The following BANK1 variants were observed in gnomAD, a reference collection of about 807,000 sequenced individuals.
The protein encoded by BANK1 is B cell scaffold protein with ankyrin repeats 1, also known as B-cell scaffold protein with ankyrin repeats.
Under a neutral mutation model 94.5 loss-of-function variants are expected in BANK1, and 95 were observed. The ratio of observed to expected loss-of-function variants is 1.00; its 90% CI spans 0.85 to 1.19. The LOEUF is 1.19. Ranked by LOEUF, BANK1 falls within the 50% of genes most tolerant of loss-of-function variation. The pLI is 0.00. For missense variants in BANK1, 987 were observed against 932.2 expected, an observed-to-expected ratio of 1.06 and a Z score of -0.77; for synonymous variants, 334 against 308.4, an observed-to-expected ratio of 1.08 and a Z score of -0.87.
chr4:101,795,552 G>A (rs6856202), intron 1 of BANK1, among the ~76,000 whole-genome samples: 63,255 of 151,800 alleles, frequency 0.42, 15,241 homozygotes, highest in Middle Eastern at 0.56. Context: ...TCTATTGATT[G>A]CATTTTATTT....
intron 5 of BANK1, among the ~76,000 whole-genome samples, chr4:101,895,018 A>G (rs995783460): frequency 1.3e-5 from 2 of 151,744 alleles, no homozygotes; most frequent in Non-Finnish European, 2.9e-5. Context: ...TTTAAAATTT[A>G]TATTTTATAG....
intron 7 of BANK1, among the ~76,000 whole-genome samples, chr4:102,017,484 C>T (rs910776626): frequency 6.6e-6 from 1 of 152,204 alleles, no homozygotes; most frequent in African/African-American, 2.4e-5. Context: ...TCACCACCAC[C>T]AGAGGTCAGC....
chr4:102,057,163 A>G (rs1034796131), intron 11 of BANK1, among the ~76,000 whole-genome samples: 1 of 152,094 alleles, frequency 6.6e-6, no homozygotes, highest in Non-Finnish European at 1.5e-5. Flanking sequence ...ATACCTACCA[A>G]GTCCCAAATT....
chr4:101,816,206 A>G (rs1376819472), intron 1 of BANK1, among the ~76,000 whole-genome samples: 2 of 152,238 alleles, frequency 1.3e-5, no homozygotes, highest in African/African-American at 2.4e-5. Flanking sequence ...CTCGCAAAGG[A>G]AAACTGAGAA....
intron 2 of BANK1, among the ~76,000 whole-genome samples, chr4:101,831,845 A>G (rs1298612136): frequency 6.6e-6 from 1 of 152,204 alleles, no homozygotes; most frequent in Non-Finnish European, 1.5e-5. Context: ...ATCAGTTTCT[A>G]TGATTCAGGA....
chr4:102,061,628 G>T (rs1036178604), intron 12 of BANK1: 6 of 152,042 alleles, frequency 3.9e-5, no homozygotes, highest in South Asian at 2.1e-4. Context: ...ATCCTCCTAA[G>T]ACCCTTAAAT....
At chr4:101,839,495 A>G (rs1409728584) in intron 2 of BANK1, among the ~76,000 whole-genome samples, 1 of 152,192 alleles carries the variant, frequency 6.6e-6, no homozygotes, top group Non-Finnish European at 1.5e-5. Context: ...ATGCTCGTCA[A>G]TCCATTTAAT....
At chr4:101,936,441 C>A (rs1578408350) in intron 7 of BANK1, among the ~76,000 whole-genome samples, 1 of 149,714 alleles carries the variant, frequency 6.7e-6, no homozygotes, top group East Asian at 2.0e-4. Context: ...AAGATGTATA[C>A]ATGTTTGCAT....
At chr4:102,070,858 T>C (rs1728733629) in intron 13 of BANK1, among the ~76,000 whole-genome samples, 1 of 152,184 alleles carries the variant, frequency 6.6e-6, no homozygotes, top group African/African-American at 2.4e-5. Context: ...CCTAATTAAG[T>C]TGGTGGGTAC....
chr4:101,909,851 A>T (rs749446621), intron 6 of BANK1, among the ~76,000 whole-genome samples: 1 of 152,216 alleles, frequency 6.6e-6, no homozygotes, highest in Non-Finnish European at 1.5e-5. Context: ...TAATACACAT[A>T]ATTTTCACTT....
chr4:101,838,515 T>C (rs1578347563), intron 2 of BANK1, among the ~76,000 whole-genome samples: 1 of 152,336 alleles, frequency 6.6e-6, no homozygotes, highest in East Asian at 1.9e-4. Flanking sequence ...GAAATGATCA[T>C]CTGCTGCATA....
intron 6 of BANK1, among the ~76,000 whole-genome samples, chr4:101,907,096 A>C (rs1722481472): frequency 6.6e-6 from 1 of 152,232 alleles, no homozygotes; most frequent in South Asian, 2.1e-4. Flanking sequence ...GGCTGAATTA[A>C]AGGAATAGGT....
chr4:101,964,406 C>A (rs1339545897), intron 7 of BANK1, among the ~76,000 whole-genome samples: 2 of 152,026 alleles, frequency 1.3e-5, no homozygotes, highest in East Asian at 1.9e-4. Flanking sequence ...CTGAAAAAAA[C>A]CGTAACTGAT....
chr4:101,875,268 T>C (rs190022924), intron 5 of BANK1, among the ~76,000 whole-genome samples: 16 of 152,172 alleles, frequency 1.1e-4, no homozygotes, highest in African/African-American at 1.2e-4. Flanking sequence ...CATTGAACCC[T>C]GAGCTGCCCT....
At chr4:102,031,709 T>C (rs10516491) in intron 10 of BANK1, among the ~76,000 whole-genome samples, 9,308 of 152,200 alleles carry the variant, frequency 0.061, 717 homozygotes, top group African/African-American at 0.18. Context: ...TCAACTCCTA[T>C]AAATAATATG....
intron 11 of BANK1, among the ~76,000 whole-genome samples, chr4:102,054,768 A>G (rs1045213711): frequency 1.6e-4 from 24 of 152,120 alleles, no homozygotes; most frequent in African/African-American, 5.5e-4. Flanking sequence ...GGGGAGGCTT[A>G]AAAGATAAGA....
At chr4:102,055,949 A>G (rs1335602979) in intron 11 of BANK1, among the ~76,000 whole-genome samples, 1 of 149,610 alleles carries the variant, frequency 6.7e-6, no homozygotes, top group Non-Finnish European at 1.5e-5. Flanking sequence ...ATCACTTGGG[A>G]AAAAAAAAGA....
intron 6 of BANK1, 136 bp downstream of exon 6, chr4:101,895,546 T>C (rs1250490544): frequency 1.8e-6 from 1 of 560,578 alleles, no homozygotes; most frequent in East Asian, 3.5e-5. Context: ...TGACTCCTGG[T>C]GAAAGGGTAC....
chr4:101,901,380 G>A (rs1055209487), intron 6 of BANK1, among the ~76,000 whole-genome samples: 4 of 152,176 alleles, frequency 2.6e-5, no homozygotes, highest in South Asian at 2.1e-4. Flanking sequence ...CAGATAAAAC[G>A]TAGAACAGGT....
Sources: allele counts gnomAD v4.1 joint callset (sites outside exome capture counted in the v4.1 genomes callset), GRCh38; gene constraint gnomAD v4.1.1; transcripts MANE v1.5; gene names NCBI Gene and HGNC (gene_info 2026-07-23, HGNC 2026-07-21).